The following FARS2 variants were observed in gnomAD, a reference collection of about 807,000 sequenced individuals.
FARS2 encodes phenylalanine--tRNA ligase, mitochondrial.
In FARS2, 40 loss-of-function variants were observed where a neutral mutation model predicts 46.4. That is an observed-to-expected ratio of 0.86 (90% CI 0.67 to 1.12). The LOEUF (loss-of-function observed/expected upper bound fraction) is 1.12, where lower values mean the gene tolerates loss of function less well. Ranked by LOEUF, FARS2 falls within the 50% of genes most tolerant of loss-of-function variation. The pLI, the probability that FARS2 is intolerant of heterozygous loss-of-function variation, is 0.00. For missense variants in FARS2, 513 were observed against 567.9 expected, an observed-to-expected ratio of 0.90 and a Z score of 0.98; for synonymous variants, 234 against 214.9, an observed-to-expected ratio of 1.09 and a Z score of -0.78.
intron 6 of FARS2, among the ~76,000 whole-genome samples, chr6:5,720,396 G>A (rs1759810783): frequency 6.6e-6 from 1 of 152,034 alleles, no homozygotes; most frequent in African/African-American, 2.4e-5. Context: ...TTTTCCAGAT[G>A]TTAATTGATC....
intron 5 of FARS2, among the ~76,000 whole-genome samples, chr6:5,580,397 A>G (rs1337009620): frequency 6.6e-6 from 1 of 151,854 alleles, no homozygotes; most frequent in East Asian, 1.9e-4. Context: ...TGTTACTCTC[A>G]TTTTTCATTT....
At chr6:5,666,571 G>T (rs1373884653) in intron 6 of FARS2, among the ~76,000 whole-genome samples, 1 of 152,172 alleles carries the variant, frequency 6.6e-6, no homozygotes, top group East Asian at 1.9e-4. Context: ...CTAGACACTG[G>T]AGGCAAAGAC....
At chr6:5,649,675 C>A (rs780570464) in intron 6 of FARS2, among the ~76,000 whole-genome samples, 4 of 152,140 alleles carry the variant, frequency 2.6e-5, no homozygotes, top group Non-Finnish European at 5.9e-5. Context: ...GATGAGAAAA[C>A]CAAGGCTTAG....
intron 5 of FARS2, among the ~76,000 whole-genome samples, chr6:5,580,421 C>T (rs1430915115): frequency 3.3e-5 from 5 of 151,960 alleles, no homozygotes; most frequent in African/African-American, 1.2e-4. Context: ...GAAATGGAGG[C>T]GCTCTGAGGC....
chr6:5,766,257 G>A (rs1055111105), intron 6 of FARS2, among the ~76,000 whole-genome samples: 8 of 152,250 alleles, frequency 5.3e-5, no homozygotes, highest in African/African-American at 1.9e-4. Context: ...TGAGTTGGGG[G>A]AGGACAGTAG....
intron 1 of FARS2, among the ~76,000 whole-genome samples, chr6:5,342,059 G>A (rs1208862074): frequency 6.6e-6 from 1 of 152,176 alleles, no homozygotes; most frequent in African/African-American, 2.4e-5. Flanking sequence ...AGATTATTTG[G>A]TCATCTTGTA....
intron 6 of FARS2, among the ~76,000 whole-genome samples, chr6:5,710,613 A>G (rs541350100): frequency 1.9e-3 from 285 of 152,346 alleles, no homozygotes; most frequent in Non-Finnish European, 3.2e-3. Flanking sequence ...CACAAAGCCC[A>G]GGAGTCTCTC....
intron 5 of FARS2, among the ~76,000 whole-genome samples, chr6:5,610,610 G>T (rs1374934411): frequency 6.6e-6 from 1 of 152,074 alleles, no homozygotes; most frequent in Non-Finnish European, 1.5e-5. Context: ...TGGTAGCTGT[G>T]GGGGCCCTGG....
chr6:5,364,477 T>C (rs1758519303), intron 1 of FARS2, among the ~76,000 whole-genome samples: 1 of 152,242 alleles, frequency 6.6e-6, no homozygotes, highest in Non-Finnish European at 1.5e-5. Flanking sequence ...ATTTGTATTC[T>C]TGCTCCTTTT....
intron 4 of FARS2, among the ~76,000 whole-genome samples, chr6:5,522,552 C>T (rs574434199): frequency 9.8e-5 from 15 of 152,362 alleles, no homozygotes; most frequent in Admixed American, 2.6e-4. Flanking sequence ...TTCATGTGCT[C>T]GGACCAGCGG....
chr6:5,406,417 C>A (rs1217614868), intron 3 of FARS2, among the ~76,000 whole-genome samples: 1 of 152,218 alleles, frequency 6.6e-6, no homozygotes, highest in Non-Finnish European at 1.5e-5. Context: ...CTCCTGCTCA[C>A]TGGCAATCCT....
chr6:5,528,555 C>G (rs1040991233), intron 4 of FARS2, among the ~76,000 whole-genome samples: 2 of 152,194 alleles, frequency 1.3e-5, no homozygotes, highest in African/African-American at 4.8e-5. Context: ...GTTACGCATA[C>G]CTGGGTTCAC....
At chr6:5,655,864 A>G (rs1274771222) in intron 6 of FARS2, among the ~76,000 whole-genome samples, 5 of 152,112 alleles carry the variant, frequency 3.3e-5, no homozygotes, top group Non-Finnish European at 5.9e-5. Context: ...TCCTTTCCCC[A>G]TCTCTGTCTC....
intron 6 of FARS2, among the ~76,000 whole-genome samples, chr6:5,660,230 G>A (rs979391588): frequency 6.6e-6 from 1 of 152,222 alleles, no homozygotes; most frequent in Non-Finnish European, 1.5e-5. Context: ...AAAGGCAGAC[G>A]TGGCTGATGT....
intron 1 of FARS2, among the ~76,000 whole-genome samples, chr6:5,316,251 T>G (rs1456989106): frequency 1.3e-5 from 2 of 152,264 alleles, no homozygotes. Flanking sequence ...GCATTTCTCC[T>G]GTGTGTAAAT....
At chr6:5,502,237 T>C (rs1413651067) in intron 4 of FARS2, among the ~76,000 whole-genome samples, 2 of 152,242 alleles carry the variant, frequency 1.3e-5, no homozygotes, top group African/African-American at 2.4e-5. Context: ...GTGAGAATTA[T>C]AGCAATTTAT....
chr6:5,610,059 C>T, intron 5 of FARS2: 1 of 909,608 alleles, frequency 1.1e-6, no homozygotes, highest in Non-Finnish European at 1.8e-6. Flanking sequence ...GTTTGGGTCT[C>T]TCATTACCAC....
intron 5 of FARS2, among the ~76,000 whole-genome samples, chr6:5,562,695 T>TACACAC (rs35980009): frequency 0.014 from 1,885 of 135,750 alleles, 21 homozygotes; most frequent in Middle Eastern, 0.039. Flanking sequence ...CTGTAATTTA[T>TACACAC]ACACACACAC....
chr6:5,306,561 G>A (rs1426332777), intron 1 of FARS2, among the ~76,000 whole-genome samples: 1 of 152,120 alleles, frequency 6.6e-6, no homozygotes, highest in African/African-American at 2.4e-5. Context: ...TATGTTTCTG[G>A]AATTTTGGAT....
Sources: gnomAD v4.1 joint callset for allele counts (sites outside exome capture counted in the v4.1 genomes callset) on GRCh38, gnomAD v4.1.1 for gene constraint, MANE v1.5 for transcripts, NCBI Gene and HGNC (gene_info 2026-07-23, HGNC 2026-07-21) for gene names.